The following CNTNAP4 variants were observed in gnomAD, a reference collection of about 807,000 sequenced individuals.
The protein encoded by CNTNAP4 is contactin-associated protein-like 4.
A neutral mutation model predicts 148.4 loss-of-function variants in CNTNAP4; 98 were observed. The observed-to-expected ratio is 0.66, with a 90% CI of 0.56 to 0.78. The LOEUF (loss-of-function observed/expected upper bound fraction) is 0.78, where lower values mean the gene tolerates loss of function less well. Ranked by LOEUF, CNTNAP4 falls within the 30% of genes least tolerant of loss-of-function variation. The pLI, the probability that CNTNAP4 is intolerant of heterozygous loss-of-function variation, is 0.00. For synonymous variants in CNTNAP4, 730 were observed against 565.1 expected, an observed-to-expected ratio of 1.29 and a Z score of -4.14; for missense variants, 1,935 against 1,565.6, an observed-to-expected ratio of 1.24 and a Z score of -3.98.
At chr16:76,304,457 A>T (rs1302439955) in intron 1 of CNTNAP4, among the ~76,000 whole-genome samples, 1 of 152,100 alleles carries the variant, frequency 6.6e-6, no homozygotes, top group Non-Finnish European at 1.5e-5. Flanking sequence ...GAGGGCTCTC[A>T]AGAGGTGTCA....
At position 76,375,949 on chromosome 16, in the gene CNTNAP4, C is replaced by A. The variant is rs554404205; in HGVS notation, c.390+20438C>A. On this transcript the variant is annotated intron_variant, in intron 3 of 23. Coordinates refer to ENST00000611870, the MANE Select transcript of CNTNAP4 (RefSeq NM_033401.5). ...GCTCCATCTCATGCAAGCTGTGTGA[C>A]CTTGGGCAGTTGCTTTTACCTCCTC... Among the ~76,000 whole-genome samples, 42 of 152,246 alleles carry A rather than the reference C, an allele frequency of 2.8e-4. No homozygotes were observed. The East Asian group carries it at 6.2e-3, about 22-fold the overall frequency.
intron 3 of CNTNAP4, among the ~76,000 whole-genome samples, chr16:76,404,473 T>C (rs7190029): frequency 0.03 from 4,615 of 151,968 alleles, 191 homozygotes; most frequent in African/African-American, 0.096. Context: ...GAGGTCAATA[T>C]TGGGACTTCT....
At chr16:76,527,238 A>G (rs1033088411) in intron 17 of CNTNAP4, among the ~76,000 whole-genome samples, 5 of 152,136 alleles carry the variant, frequency 3.3e-5, no homozygotes, top group African/African-American at 1.2e-4. Context: ...ATTTTGTTCC[A>G]GCACATGTCA....
rs190722356 is a variant in CNTNAP4, at chr16:76,406,184, A to G, written c.391-21268A>G. Among the ~76,000 whole-genome samples, 13 of 152,318 alleles carry G rather than the reference A, an allele frequency of 8.5e-5. No individual in the cohort carries two copies. The East Asian group carries it at 2.3e-3, about 27-fold the overall frequency. Reference sequence around the variant, plus strand: ...GTGTCACATTTTGGTAATTCTTGCAATATTTCAAGCTTTTAAATTATTATT... The same window carrying G: ...GTGTCACATTTTGGTAATTCTTGCAGTATTTCAAGCTTTTAAATTATTATT... On this transcript the variant is annotated intron_variant, in intron 3 of 23. Transcript: ENST00000611870.
chr16:76,294,521 AT>A (rs1178172652), intron 1 of CNTNAP4, among the ~76,000 whole-genome samples: 1 of 152,206 alleles, frequency 6.6e-6, no homozygotes, highest in Non-Finnish European at 1.5e-5. Context: ...TTATTTTTCC[AT>A]TGACACTGAT....
At chr16:76,349,964 C>G (rs965117143) in intron 2 of CNTNAP4, among the ~76,000 whole-genome samples, 1 of 151,976 alleles carries the variant, frequency 6.6e-6, no homozygotes, top group East Asian at 1.9e-4. Context: ...TTTTAAAGCT[C>G]CAACTAAGAG....
At position 76,436,989 on chromosome 16, in the gene CNTNAP4, C is replaced by CTATCTATCTATCTATCTATT. The variant is rs144797032; in HGVS notation, c.538+9396_538+9397insTCTATCTATCTATTTATCTA. Among the ~76,000 whole-genome samples, 1,224 of 151,404 alleles carry CTATCTATCTATCTATCTATT rather than the reference C, an allele frequency of 8.1e-3. 14 individuals are homozygous for CTATCTATCTATCTATCTATT. Among genetic ancestry groups the CTATCTATCTATCTATCTATT allele is most frequent in the East Asian group, 0.069 (354 of 5,106 alleles). The stretch of plus-strand genomic sequence containing the variant: ...TCTATCTATCTATCTATCTATCTGT[C>CTATCTATCTATCTATCTATT]TATCTAGGAGTTTATTAAGGAGTAT... On this transcript the variant is annotated intron_variant, in intron 4 of 23. Transcript: ENST00000611870.
intron 2 of CNTNAP4, among the ~76,000 whole-genome samples, chr16:76,346,065 T>C (rs1360951958): frequency 6.6e-6 from 1 of 152,150 alleles, no homozygotes; most frequent in Admixed American, 6.5e-5. Flanking sequence ...TAAATGTCTG[T>C]TGTTTAAAAT....
chr16:76,555,609 C>G (rs1186401884), intron 23 of CNTNAP4, among the ~76,000 whole-genome samples: 3 of 152,200 alleles, frequency 2.0e-5, no homozygotes, highest in African/African-American at 4.8e-5. Flanking sequence ...ATATAGTCAT[C>G]AAGCCAATGC....
At chr16:76,461,915 T>A in intron 8 of CNTNAP4, 41 bp from the exon 9 acceptor site, 1 of 1,592,826 alleles carries the variant, frequency 6.3e-7, no homozygotes, top group Admixed American at 1.7e-5. Flanking sequence ...CTTATAGTGT[T>A]CACTATTGAG....
At chr16:76,345,245 C>G (rs187103116) in intron 2 of CNTNAP4, among the ~76,000 whole-genome samples, 1 of 152,130 alleles carries the variant, frequency 6.6e-6, no homozygotes, top group South Asian at 2.1e-4. Context: ...CTGGCTAGCT[C>G]CCAGCCAGAC....
chr16:76,389,284 A>G (rs956418745), intron 3 of CNTNAP4, among the ~76,000 whole-genome samples: 2 of 152,212 alleles, frequency 1.3e-5, no homozygotes, highest in Non-Finnish European at 2.9e-5. Flanking sequence ...ACAGGCATGT[A>G]TACACGTATC....
At chr16:76,359,050 G>C (rs1405983773) in intron 3 of CNTNAP4, among the ~76,000 whole-genome samples, 1 of 152,108 alleles carries the variant, frequency 6.6e-6, no homozygotes, top group Non-Finnish European at 1.5e-5. Context: ...CCTGTCTCTT[G>C]ACTTTTCTGC....
chr16:76,448,079 C>G lies in CNTNAP4; in HGVS notation c.606C>G (p.Ser202Arg), dbSNP rs764751603. The G allele has an allele frequency of 5.0e-6, 8 of 1,613,662 alleles. No homozygotes were observed. The highest frequency in any genetic ancestry group is 5.1e-6 in the Non-Finnish European group (6 of 1,179,644). ...ACAGATTTGATCAAAAATCCCTGAGCCCAATAAAAGACATTATTTCTTTGA... is the reference window on the plus strand; with the variant it reads ...ACAGATTTGATCAAAAATCCCTGAGGCCAATAAAAGACATTATTTCTTTGA... ...LLYRFDQKSL[S>R]PIKDIISLKF... The change falls in exon 5 of 24, where the codon AGC becomes AGG. Residue 202 changes from serine to arginine, a missense_variant. Coordinates refer to ENST00000611870, the MANE Select transcript of CNTNAP4 (RefSeq NM_033401.5).
At chr16:76,355,678 A>G (rs1367512703) in intron 3 of CNTNAP4, among the ~76,000 whole-genome samples, 167 bp downstream of exon 3, 1 of 152,164 alleles carries the variant, frequency 6.6e-6, no homozygotes, top group African/African-American at 2.4e-5. Flanking sequence ...AATACATTTT[A>G]TGGTAAATTT....
intron 3 of CNTNAP4, among the ~76,000 whole-genome samples, chr16:76,405,007 G>A (rs1299716860): frequency 6.6e-6 from 1 of 151,740 alleles, no homozygotes; most frequent in Non-Finnish European, 1.5e-5. Flanking sequence ...ATTATTTGTT[G>A]TAACCTTAAA....
intron 8 of CNTNAP4, among the ~76,000 whole-genome samples, chr16:76,460,274 AT>A (rs148665468): frequency 0.061 from 9,185 of 151,482 alleles, 745 homozygotes; most frequent in African/African-American, 0.19. Flanking sequence ...CGCCTGGCTA[AT>A]TTTTTGTATT....
At chr16:76,414,993 G>A (rs1053182260) in intron 3 of CNTNAP4, among the ~76,000 whole-genome samples, 4 of 150,206 alleles carry the variant, frequency 2.7e-5, no homozygotes, top group Non-Finnish European at 6.0e-5. Flanking sequence ...TTTTTCATAT[G>A]TATTTTAATC....
At chr16:76,338,175 C>A (rs1964176649) in intron 2 of CNTNAP4, among the ~76,000 whole-genome samples, 1 of 152,100 alleles carries the variant, frequency 6.6e-6, no homozygotes, top group Non-Finnish European at 1.5e-5. Flanking sequence ...AATTTATGTT[C>A]AGAGATTGCA....
Sources: gnomAD v4.1 joint callset for allele counts (sites outside exome capture counted in the v4.1 genomes callset) on GRCh38, gnomAD v4.1.1 for gene constraint, MANE v1.5 for transcripts, NCBI Gene and HGNC (gene_info 2026-07-23, HGNC 2026-07-21) for gene names.